NGDN: variants seen among roughly 807,000 people sequenced by gnomAD.
The protein encoded by NGDN is neuroguidin, also known as EIF4E-binding protein.
A neutral mutation model predicts 45.2 loss-of-function variants in NGDN; 41 were observed. That is an observed-to-expected ratio of 0.91 (90% CI 0.71 to 1.18). NGDN has a LOEUF of 1.18. Among genes scored for constraint, NGDN ranks in the 50% most tolerant of loss-of-function variants. NGDN has a pLI of 0.00. For synonymous variants in NGDN, 137 were observed against 130.9 expected (o/e 1.05, Z -0.32); for missense variants, 402 against 399.9 (o/e 1.01, Z -0.05).
At position 23,477,082 on chromosome 14, in the gene NGDN, G is replaced by A. The variant is rs142561862; in HGVS notation, c.714-118G>A. ...TTACTAAATACTATGTTGATCTGCT[G>A]TGAAACTTCTTGAGAACTCCCTGAA... On this transcript the variant is annotated intron_variant, in intron 8 of 10. Transcript: ENST00000408901. 1.1e-3 allele frequency: 954 copies of A among 880,518 alleles called. 14 individuals are homozygous for A. In the East Asian group the frequency reaches 0.023, roughly 22 times the overall value. The allele number at this position is 880,518 out of a possible 1,614,324, so 54.5% of individuals were successfully genotyped here. A position where few individuals can be genotyped will look rare whatever the true frequency, so the allele number is the denominator to read the frequency against.
Position 23,477,538 on chromosome 14 carries a change from T to C in NGDN, c.906T>C (p.Pro302=). Residue 302 remains proline, a synonymous_variant, in exon 10 of 11, where the codon CCT becomes CCC. Transcript: ENST00000408901. Reference sequence around the variant, plus strand: ...CTATTAAGAAGCGGAAGAAGATACCTCAGAAAGGTCGGAAGAAAAAAGGTC... The same window carrying C: ...CTATTAAGAAGCGGAAGAAGATACCCCAGAAAGGTCGGAAGAAAAAAGGTC... ...QNPIKKRKKI[P]QKGRKKKGFR... 1 of 1,614,088 alleles carries C rather than the reference T, an allele frequency of 6.2e-7. No homozygotes were observed. The highest frequency in any genetic ancestry group is 1.1e-5 in the South Asian group (1 of 91,078).
At chr14:23,477,691 A>C in intron 10 of NGDN, 131 bp downstream of exon 10, 1 of 1,490,652 alleles carries the variant, frequency 6.7e-7, no homozygotes, top group African/African-American at 1.4e-5. Flanking sequence ...TAATCTCCTT[A>C]GGTGGGCTTT....
chr14:23,472,148 G>A (rs905517590), intron 3 of NGDN, among the ~76,000 whole-genome samples: 1 of 141,468 alleles, frequency 7.1e-6, no homozygotes, highest in South Asian at 2.2e-4. Flanking sequence ...TCGCACCATC[G>A]CACTGCAGCC....
At chr14:23,475,401 A>G (rs1238292576) in intron 4 of NGDN, 93 bp downstream of exon 4, 3 of 1,402,130 alleles carry the variant, frequency 2.1e-6, no homozygotes, top group South Asian at 1.3e-5. Context: ...GAGTCTTCTC[A>G]TGTTTAAGGA....
At chr14:23,475,444 T>C in intron 4 of NGDN, 114 bp from the exon 5 acceptor site, 1 of 1,344,028 alleles carries the variant, frequency 7.4e-7, no homozygotes, top group Non-Finnish European at 1.0e-6. Context: ...TTCTATTCAT[T>C]TGCTCTACTT....
chr14:23,475,884 C>G, intron 6 of NGDN, 106 bp downstream of exon 6: 1 of 1,461,958 alleles, frequency 6.8e-7, no homozygotes, highest in South Asian at 1.2e-5. Context: ...CTTGATTTTC[C>G]AACTTGTGTG....
intron 3 of NGDN, among the ~76,000 whole-genome samples, chr14:23,473,601 T>C (rs1226686205): frequency 1.3e-5 from 2 of 151,620 alleles, no homozygotes; most frequent in Non-Finnish European, 1.5e-5. Flanking sequence ...CTGAGGCAGG[T>C]GGATCACGAG....
rs1251496505 is a variant in NGDN, at chr14:23,475,221, G to A, written c.195G>A (p.Met65Ile). 2 of 1,614,050 alleles carry A rather than the reference G, an allele frequency of 1.2e-6. No homozygotes were observed. The highest frequency in any genetic ancestry group is 1.7e-6 in the Non-Finnish European group (2 of 1,179,966). Residue 65 changes from methionine to isoleucine, a missense_variant, in exon 4 of 11, where the codon ATG (methionine) becomes ATA (isoleucine). Met to Ile is a conservative substitution (Grantham distance 10, BLOSUM62 1). Transcript: ENST00000408901. ...ACCAGCTGCTGCTCATGTACCTTAT[G>A]GATTTGACCCACCTCATTCTGGACA... ...VKDQLLLMYL[M>I]DLTHLILDKA...
At chr14:23,477,125 C>T in intron 8 of NGDN, 75 bp from the exon 9 acceptor site, 1 of 1,447,926 alleles carries the variant, frequency 6.9e-7, no homozygotes, top group Non-Finnish European at 9.6e-7. Context: ...TGAGTAGATA[C>T]TTGGGCCCAG....
At chr14:23,471,886 G>A (rs1408532692) in intron 3 of NGDN, among the ~76,000 whole-genome samples, 1 of 152,062 alleles carries the variant, frequency 6.6e-6, no homozygotes, top group African/African-American at 2.4e-5. Context: ...TTTCAGAGAT[G>A]TTAAAATATG....
rs1043325260 is a variant in NGDN at position 23,476,232 on chromosome 14, C to T, written c.545-7C>T. ...CTTGGATAACCCTGCTTATTTTCAT[C>T]ATGTAGATGAAACAGAAGCTGAGCG... On this transcript the variant is annotated splice_region_variant and splice_polypyrimidine_tract_variant and intron_variant, in intron 7 of 10. Coordinates refer to ENST00000408901, the MANE Select transcript of NGDN (RefSeq NM_001042635.2). 1.9e-6 allele frequency: 3 copies of T among 1,613,740 alleles called. No homozygotes were observed. Among genetic ancestry groups the T allele is most frequent in the Non-Finnish European group, 2.5e-6 (3 of 1,179,718 alleles).
rs754348577 is a variant in NGDN at position 23,475,760 on chromosome 14, C to G, written c.402C>G (p.Pro134=). The stretch of plus-strand genomic sequence containing the variant: ...ACCCACTTCGTTTTAAGCCTCATCC[C>G]AGCAATATGATGAGCAAGGTAAGGG... ...ENDPLRFKPH[P]SNMMSKLSSE... is the part of the protein sequence containing the mutation. Residue 134 remains proline, a synonymous_variant, in exon 6 of 11, where the codon CCC becomes CCG. Transcript: ENST00000408901. 1 of 1,613,192 alleles carries G rather than the reference C, an allele frequency of 6.2e-7. No individual in the cohort carries two copies. Among genetic ancestry groups the G allele is most frequent in the South Asian group, 1.1e-5 (1 of 91,036 alleles).
At position 23,475,654 on chromosome 14, in the gene NGDN, G is replaced by A. The variant is rs773925944; in HGVS notation, c.367+12G>A. The A allele has an allele frequency of 6.2e-7, 1 of 1,613,942 alleles. No individual in the cohort carries two copies. Among genetic ancestry groups the A allele is most frequent in the Admixed American group, 1.7e-5 (1 of 60,030 alleles). ...GACAGGCAGCCTTAGTAAGTGAGGA[G>A]ACCATCATGAAGTTGTGGGGACCAT... is the stretch of plus-strand genomic sequence containing the variant. On this transcript the variant is annotated intron_variant, in intron 5 of 10. Coordinates refer to ENST00000408901, the MANE Select transcript of NGDN (RefSeq NM_001042635.2).
intron 1 of NGDN, 101 bp downstream of exon 1, chr14:23,469,828 G>T: frequency 6.6e-7 from 1 of 1,511,128 alleles, no homozygotes; most frequent in Admixed American, 1.8e-5. Context: ...GGGTGGTGAT[G>T]AAAGTTGCTT....
At chr14:23,472,026 TAAA>T (rs966075977) in intron 3 of NGDN, among the ~76,000 whole-genome samples, 1 of 146,244 alleles carries the variant, frequency 6.8e-6, no homozygotes, top group Admixed American at 6.8e-5. Flanking sequence ...CCTATCTCTA[TAAA>T]AAAAAATTAG....
At chr14:23,474,924 G>A (rs575628491) in intron 3 of NGDN, among the ~76,000 whole-genome samples, 1 of 151,894 alleles carries the variant, frequency 6.6e-6, no homozygotes, top group Non-Finnish European at 1.5e-5. Context: ...TTTTTGGGGG[G>A]GTAGTTTATT....
rs145211927 is a variant in NGDN at position 23,477,323 on chromosome 14, T to C, written c.837T>C (p.Ser279=). The C allele has an allele frequency of 2.2e-5, 36 of 1,614,092 alleles. No homozygotes were observed. The African/African-American group carries it at 4.8e-4, about 22-fold the overall frequency. The part of the protein sequence containing the change: ...LHSLTHFSDI[S]ALTGGTVHLD... ...CCCTTACACACTTCAGTGACATCAG[T>C]GCTTTGACAGGGGGAACTGTTCATC... is the stretch of plus-strand genomic sequence containing the variant. The change falls in exon 9 of 11, where the codon AGT becomes AGC. Residue 279 remains serine, a synonymous_variant. Coordinates refer to ENST00000408901, the MANE Select transcript of NGDN (RefSeq NM_001042635.2).
intron 3 of NGDN, among the ~76,000 whole-genome samples, chr14:23,472,747 T>C (rs1893811443): frequency 6.6e-6 from 1 of 151,988 alleles, no homozygotes; most frequent in Non-Finnish European, 1.5e-5. Flanking sequence ...ACTGAAGGAG[T>C]TTTAAGCACA....
Position 23,475,441 on chromosome 14 carries a change from C to G in NGDN, c.283-117C>G, listed in dbSNP as rs773415533. 1.6e-5 allele frequency: 22 copies of G among 1,344,256 alleles called. No individual in the cohort carries two copies. In the Middle Eastern group the frequency reaches 6.1e-4, roughly 38 times the overall value. 83.3% of individuals were successfully genotyped at this position (1,344,256 alleles called of 1,614,324 possible). ...AAATGAGAAAAGGTATTTTTCTATT[C>G]ATTTGCTCTACTTTGTACATATTTT... is the stretch of plus-strand genomic sequence containing the variant. On this transcript the variant is annotated intron_variant, in intron 4 of 10. Transcript: ENST00000408901.
Sources: gnomAD v4.1 joint callset for allele counts (sites outside exome capture counted in the v4.1 genomes callset) on GRCh38, gnomAD v4.1.1 for gene constraint, MANE v1.5 for transcripts, NCBI Gene and HGNC (gene_info 2026-07-23, HGNC 2026-07-21) for gene names.